Variants in TNK2 observed in about 807,000 individuals in gnomAD.
TNK2 encodes the protein tyrosine kinase non receptor 2.
Under a neutral mutation model 101.8 loss-of-function variants are expected in TNK2, and 83 were observed. The observed-to-expected ratio is 0.82, with a 90% CI of 0.68 to 0.98. TNK2 has a LOEUF of 0.98. Among genes scored for constraint, TNK2 ranks in the 50% least tolerant of loss-of-function variants. TNK2 has a pLI of 0.00. For synonymous variants in TNK2, 804 were observed against 633.0 expected (o/e 1.27, Z -4.06); for missense variants, 1,665 against 1,483.2 (o/e 1.12, Z -2.01).
In TNK2 at chr3:195,898,619, G is replaced by A. The variant is rs1235428567; in HGVS notation, c.-19+9866C>T. Among the ~76,000 whole-genome samples the A allele has an allele frequency of 2.0e-5, 3 of 151,976 alleles. No homozygotes were observed. The East Asian group carries it at 5.8e-4, about 29-fold the overall frequency. ...TTGCCCTTCCCTAGACATACTCTGGGGTTCTTCTTGTTTTTTGTTTTTAAG... is the reference window on the plus strand; with the variant it reads ...TTGCCCTTCCCTAGACATACTCTGGAGTTCTTCTTGTTTTTTGTTTTTAAG... On this transcript the variant is annotated intron_variant, in intron 1 of 15. Transcript: ENST00000672887.
chr3:195,895,531 G>C (rs1577113675), intron 1 of TNK2: 1 of 1,350,442 alleles, frequency 7.4e-7, no homozygotes, highest in East Asian at 3.1e-5. Flanking sequence ...ATTCCCTCCT[G>C]CAGCCCGTCC....
At chr3:195,872,644 G>T (rs906803872) in intron 9 of TNK2, 174 bp from the exon 10 acceptor site, 9 of 641,456 alleles carry the variant, frequency 1.4e-5, no homozygotes, top group Non-Finnish European at 2.1e-5. Flanking sequence ...ACCATGCCCC[G>T]TACAGGCCTG....
rs1157265162 is a variant in TNK2 at position 195,878,312 on chromosome 3, A to G, written c.1197T>C (p.Phe399=). The change falls in exon 9 of 16, where the codon TTT becomes TTC. Residue 399 remains phenylalanine (F), a synonymous_variant. Transcript: ENST00000672887. This position sits in a 1 kb window ranked among gnomAD's most constrained non-coding sequence, Gnocchi z 4.7. ...QPTDMRALQD[F]EEPDKLHIQM... ...GGATGTGCAGCTTGTCCGGTTCCTC[A>G]AAGTCCTGAAGGGCCCGCATGTCTG... The G allele has an allele frequency of 2.5e-6, 4 of 1,614,014 alleles. No individual in the cohort carries two copies. In the Admixed American group the frequency reaches 5.0e-5, roughly 20 times the overall value.
intron 9 of TNK2, among the ~76,000 whole-genome samples, chr3:195,873,862 C>T (rs527596757): frequency 1.3e-5 from 2 of 152,216 alleles, no homozygotes; most frequent in Non-Finnish European, 2.9e-5. Flanking sequence ...GCTGTGCTCC[C>T]CCTGCCCAGC....
chr3:195,898,053 T>C (rs1385233267), intron 1 of TNK2, among the ~76,000 whole-genome samples: 3 of 151,690 alleles, frequency 2.0e-5, no homozygotes, highest in South Asian at 2.1e-4. Flanking sequence ...GTACCACACA[T>C]TGCATATCCA....
rs987657106 is a variant in TNK2 at position 195,885,306 on chromosome 3, A to G, written c.235-273T>C. The G allele has an allele frequency of 2.2e-6, 3 of 1,334,834 alleles. No homozygotes were observed. Among genetic ancestry groups the G allele is most frequent in the Admixed American group, 2.8e-5 (1 of 36,194 alleles). The allele number at this position is 1,334,834 out of a possible 1,614,324, so 82.7% of individuals were successfully genotyped here. A position where few individuals can be genotyped will look rare whatever the true frequency, so the allele number is the denominator to read the frequency against. ...CCTGTGGCTGAGCGGCCCCACACCC[A>G]GCTGTGTGGAGAGGGAGGGCACCGC... On this transcript the variant is annotated intron_variant, in intron 3 of 15. Transcript: ENST00000672887. This position sits in a 1 kb window ranked among gnomAD's most constrained non-coding sequence, Gnocchi z 4.7.
At chr3:195,875,967 C>T (rs1410655281) in intron 9 of TNK2, among the ~76,000 whole-genome samples, 1 of 152,212 alleles carries the variant, frequency 6.6e-6, no homozygotes, top group Admixed American at 6.5e-5. Context: ...TAATGCCGGA[C>T]ATTCTGTTCA....
intron 1 of TNK2, chr3:195,895,149 C>T: frequency 2.4e-6 from 3 of 1,248,498 alleles, no homozygotes; most frequent in Non-Finnish European, 3.2e-6. Flanking sequence ...ACTCTCACTC[C>T]TGAGGCCGCC....
chr3:195,868,432 G>T lies in TNK2; in HGVS notation c.1866C>A (p.Ser622Arg). The T allele has an allele frequency of 6.4e-7, 1 of 1,568,152 alleles. No homozygotes were observed. Among genetic ancestry groups the T allele is most frequent in the Non-Finnish European group, 8.6e-7 (1 of 1,165,620 alleles). ...CSLLDETPPQ[S>R]PTRALPRPLH... ...GGGGCCGGGGCAGTGCCCGCGTGGG[G>T]CTCTGAGGCGGGGTCTCGTCCAGCA... Residue 622 changes from serine (S) to arginine (R), a missense_variant, in exon 13 of 16, where the codon AGC (serine) becomes AGA (arginine). Transcript: ENST00000672887.
chr3:195,888,558 G>A lies in TNK2; in HGVS notation c.31C>T (p.Leu11=). 1 of 1,612,342 alleles carries A rather than the reference G, an allele frequency of 6.2e-7. No individual in the cohort carries two copies. Among genetic ancestry groups the A allele is most frequent in the Non-Finnish European group, 8.5e-7 (1 of 1,179,852 alleles). ...AGCTGCACCTCGGACAGCAGCTCCA[G>A]CAGCCAGCCTGTGCCCTCCTCTGGC... MQPEEGTGWL[L]ELLSEVQLQQ... The change falls in exon 2 of 16, where the codon CTG becomes TTG. Residue 11 remains leucine (L), a synonymous_variant. Coordinates refer to ENST00000672887, the MANE Select transcript of TNK2 (RefSeq NM_001382273.1). The surrounding 1 kb of genome is among the most constrained non-coding windows in gnomAD (Gnocchi z 5.3).
chr3:195,871,966 CCCT>C (rs1745686111), intron 10 of TNK2, among the ~76,000 whole-genome samples: 14 of 150,808 alleles, frequency 9.3e-5, no homozygotes, highest in African/African-American at 3.2e-4. Context: ...GAGAACCCTC[CCCT>C]GGAGAACCCT....
chr3:195,900,357 G>C (rs1168619326), intron 1 of TNK2, among the ~76,000 whole-genome samples: 1 of 152,124 alleles, frequency 6.6e-6, no homozygotes, highest in Non-Finnish European at 1.5e-5. Flanking sequence ...AACTCCAGTG[G>C]AGAAGGGAAT....
intron 1 of TNK2, 161 bp downstream of exon 1, chr3:195,908,324 G>GA (rs1255937757): frequency 2.0e-5 from 3 of 152,614 alleles, no homozygotes; most frequent in African/African-American, 7.2e-5. Flanking sequence ...ACTGGCGGGG[G>GA]AGAGGTCCTG....
At chr3:195,881,699 A>G (rs1449095862) in intron 6 of TNK2, among the ~76,000 whole-genome samples, 1 of 98,930 alleles carries the variant, frequency 1.0e-5, no homozygotes, top group Non-Finnish European at 1.9e-5. Context: ...CCCCCCCGCC[A>G]GCAATGCCCC....
At position 195,884,980 on chromosome 3, in the gene TNK2, G is replaced by T. The variant is rs755608591; in HGVS notation, c.288C>A (p.Ser96Arg). 1 of 1,613,294 alleles carries T rather than the reference G, an allele frequency of 6.2e-7. No homozygotes were observed. Among genetic ancestry groups the T allele is most frequent in the Non-Finnish European group, 8.5e-7 (1 of 1,179,556 alleles). The stretch of plus-strand genomic sequence containing the variant: ...GGGCGGGCGAGGTCTTCCGGAAGGT[G>T]CTCTGAGAGTGATGAGGTGGGAACT... ...EAEFPPHHSQ[S>R]TFRKTSPAPG... Residue 96 changes from serine to arginine, a missense_variant, in exon 4 of 16, where the codon AGC becomes AGA. Ser to Arg is a moderately radical substitution (Grantham distance 110, BLOSUM62 -1). This residue lies in a region of TNK2 where 490 missense variants were observed against 522.5 expected (regional missense o/e 0.94). Coordinates refer to ENST00000672887, the MANE Select transcript of TNK2 (RefSeq NM_001382273.1).
Position 195,867,935 on chromosome 3 carries a change from G to A in TNK2, c.2363C>T (p.Ala788Val). Reference protein sequence around the residue: ...EEETSQWPGPASPPRVPPREP... With the variant: ...EEETSQWPGPVSPPRVPPREP... ...CCGCGGAGGCACCCGGGGAGGGGAA[G>A]CAGGTCCAGGCCACTGGCTGGTCTC... Residue 788 changes from alanine (A) to valine (V), a missense_variant, in exon 13 of 16, where the codon GCT (alanine) becomes GTT (valine). Around this residue, in one of 3 missense-constraint regions of TNK2, gnomAD observed 1,136 missense variants for 894.9 expected, o/e 1.27. Coordinates refer to ENST00000672887, the MANE Select transcript of TNK2 (RefSeq NM_001382273.1). The A allele has an allele frequency of 6.5e-7, 1 of 1,534,630 alleles. No individual in the cohort carries two copies. Among genetic ancestry groups the A allele is most frequent in the South Asian group, 1.2e-5 (1 of 81,662 alleles).
At chr3:195,880,183 C>A (rs1054835294) in intron 6 of TNK2, among the ~76,000 whole-genome samples, 4 of 152,070 alleles carry the variant, frequency 2.6e-5, no homozygotes, top group African/African-American at 9.7e-5. Context: ...GATAAGCCCA[C>A]ACAGGGGCCA....
rs552811014 is a variant in TNK2 at position 195,885,684 on chromosome 3, C to T, written c.235-651G>A. ...GGGCGCCTAGAGCTGAGGGCTGAGACGGAAGGAAAAGTGGAGGAGACTCGG... is the reference window on the plus strand; with the variant it reads ...GGGCGCCTAGAGCTGAGGGCTGAGATGGAAGGAAAAGTGGAGGAGACTCGG... On this transcript the variant is annotated intron_variant, in intron 3 of 15. Transcript: ENST00000672887. This position sits in a 1 kb window ranked among gnomAD's most constrained non-coding sequence, Gnocchi z 4.7. 8.8e-5 allele frequency: 82 copies of T among 931,862 alleles called. No homozygotes were observed. The highest frequency in any genetic ancestry group is 3.4e-4 in the African/African-American group (20 of 58,242). The allele number at this position is 931,862 out of a possible 1,614,324, so 57.7% of individuals were successfully genotyped here.
intron 1 of TNK2, among the ~76,000 whole-genome samples, chr3:195,902,822 T>C (rs1761352096): frequency 6.6e-6 from 1 of 151,906 alleles, no homozygotes; most frequent in Admixed American, 6.6e-5. Flanking sequence ...CAATCTCGGC[T>C]CGCTGCAACC....
Sources: allele counts gnomAD v4.1 joint callset (sites outside exome capture counted in the v4.1 genomes callset), GRCh38; gene constraint gnomAD v4.1.1; regional missense constraint gnomAD v4.1.1; non-coding constraint Gnocchi (gnomAD v3.1); transcripts MANE v1.5; gene names NCBI Gene and HGNC (gene_info 2026-07-23, HGNC 2026-07-21).